The following RHPN2 variants were observed in gnomAD, a reference collection of about 807,000 sequenced individuals.
The protein encoded by RHPN2 is rhophilin Rho GTPase binding protein 2.
A neutral mutation model predicts 79.0 loss-of-function variants in RHPN2; 40 were observed. That is an observed-to-expected ratio of 0.51 (90% CI 0.39 to 0.66). The LOEUF (loss-of-function observed/expected upper bound fraction) is 0.66, where lower values mean the gene tolerates loss of function less well. Among genes scored for constraint, RHPN2 ranks in the 30% least tolerant of loss-of-function variants. RHPN2 has a pLI of 0.00. For synonymous variants in RHPN2, 285 were observed against 363.5 expected (o/e 0.78, Z 2.46); for missense variants, 686 against 883.5 (o/e 0.78, Z 2.83).
chr19:33,003,026 T>G, intron 7 of RHPN2, 26 bp from the exon 8 acceptor site: 1 of 1,605,662 alleles, frequency 6.2e-7, no homozygotes, highest in Non-Finnish European at 8.5e-7. Flanking sequence ...GTTTTGCCCA[T>G]TAGTTCGGGT....
intron 4 of RHPN2, among the ~76,000 whole-genome samples, chr19:33,013,216 CAG>C (rs1426958447): frequency 6.8e-6 from 1 of 146,102 alleles, no homozygotes; most frequent in Non-Finnish European, 1.5e-5. Flanking sequence ...AAACAAAAAA[CAG>C]AGTTTCACTC....
At chr19:33,053,208 C>T (rs1568327128) in intron 1 of RHPN2, among the ~76,000 whole-genome samples, 2 of 151,246 alleles carry the variant, frequency 1.3e-5, no homozygotes, top group Non-Finnish European at 2.9e-5. Flanking sequence ...AGGCTGCTCT[C>T]AAACTCCTGG....
intron 11 of RHPN2, among the ~76,000 whole-genome samples, chr19:32,995,437 C>G (rs1971693061): frequency 6.6e-6 from 1 of 152,040 alleles, no homozygotes; most frequent in African/African-American, 2.4e-5. Context: ...CAAATCATGA[C>G]CACTGACAGC....
At chr19:33,025,436 C>T (rs1457856226) in intron 3 of RHPN2, among the ~76,000 whole-genome samples, 9 of 151,442 alleles carry the variant, frequency 5.9e-5, no homozygotes, top group Admixed American at 2.0e-4. Context: ...GAGCTGAGAT[C>T]GCTCCACTGC....
At position 32,979,790 on chromosome 19, in the gene RHPN2, C is replaced by T; in HGVS notation, c.*206G>A. On this transcript the variant is annotated 3_prime_UTR_variant, in exon 15 of 15. Transcript: ENST00000254260. Reference sequence around the variant, plus strand: ...TAAATAACTTACAGCAGTATAGTAACACACCTCAAAAAAGTTCTTTTTTCA... The same window carrying T: ...TAAATAACTTACAGCAGTATAGTAATACACCTCAAAAAAGTTCTTTTTTCA... 1 of 606,422 alleles carries T rather than the reference C, an allele frequency of 1.6e-6. No homozygotes were observed. Among genetic ancestry groups the T allele is most frequent in the Non-Finnish European group, 2.9e-6 (1 of 343,246 alleles). 37.6% of individuals were successfully genotyped at this position (606,422 alleles called of 1,614,324 possible). A position where few individuals can be genotyped will look rare whatever the true frequency, so the allele number is the denominator to read the frequency against.
At position 32,979,826 on chromosome 19, in the gene RHPN2, G is replaced by C. The variant is rs1971558581; in HGVS notation, c.*170C>G. On this transcript the variant is annotated 3_prime_UTR_variant, in exon 15 of 15. Transcript: ENST00000254260. ...AAAGTTCTTTTTTCACTAATTCCTAGAGGTTTCTTGGTTACTTTCCTTCAT... is the reference window on the plus strand; with the variant it reads ...AAAGTTCTTTTTTCACTAATTCCTACAGGTTTCTTGGTTACTTTCCTTCAT... The C allele has an allele frequency of 3.8e-6, 3 of 787,242 alleles. No homozygotes were observed. The Admixed American group carries it at 8.5e-5, about 22-fold the overall frequency. The allele number at this position is 787,242 out of a possible 1,614,324, so 48.8% of individuals were successfully genotyped here. A position where few individuals can be genotyped will look rare whatever the true frequency, so the allele number is the denominator to read the frequency against.
intron 5 of RHPN2, 31 bp downstream of exon 5, chr19:33,012,616 C>A (rs775823886): frequency 2.8e-6 from 4 of 1,429,012 alleles, no homozygotes; most frequent in East Asian, 2.3e-5. Flanking sequence ...GAAAAGCCAC[C>A]CTCCCCTCTC....
chr19:32,987,016 A>T (rs78307095), intron 14 of RHPN2, among the ~76,000 whole-genome samples: 4,966 of 151,610 alleles, frequency 0.033, 248 homozygotes, highest in African/African-American at 0.11. Flanking sequence ...AGCTGGGACT[A>T]CAGGCATACG....
intron 4 of RHPN2, among the ~76,000 whole-genome samples, chr19:33,014,901 G>C (rs1393764725): frequency 1.3e-5 from 2 of 152,078 alleles, no homozygotes; most frequent in Non-Finnish European, 2.9e-5. Flanking sequence ...GACCAGCATG[G>C]ACAACACAGT....
intron 9 of RHPN2, among the ~76,000 whole-genome samples, chr19:33,001,457 G>A (rs1258144701): frequency 6.6e-6 from 1 of 151,988 alleles, no homozygotes; most frequent in Non-Finnish European, 1.5e-5. Context: ...TGGGAGGATC[G>A]CTTGAGCCCA....
rs1018001316 is a variant in RHPN2 at position 32,991,871 on chromosome 19, C to T, written c.1596G>A (p.Gly532=). ...GGAAGTGAACCTGAACGGGGGCGTT[C>T]CCTCTCAAGGTGAACCCCAAGTCCC... is the stretch of plus-strand genomic sequence containing the variant. ...EEGDLGFTLR[G]NAPVQVHFLD... Residue 532 remains glycine, a synonymous_variant, in exon 13 of 15, where the codon GGG becomes GGA. Transcript: ENST00000254260. 1 of 1,613,848 alleles carries T rather than the reference C, an allele frequency of 6.2e-7. No homozygotes were observed. The highest frequency in any genetic ancestry group is 8.5e-7 in the Non-Finnish European group (1 of 1,179,876).
chr19:33,049,313 A>ACCATCCCCACCCATACATTTCTCACC (rs1735312422), intron 1 of RHPN2, among the ~76,000 whole-genome samples: 1 of 152,256 alleles, frequency 6.6e-6, no homozygotes, highest in African/African-American at 2.4e-5. Context: ...TGGCGGGTCC[A>ACCATCCCCACCCATACATTTCTCACC]CCATCCCCAC....
chr19:33,023,078 A>C (rs1411875578), intron 3 of RHPN2, among the ~76,000 whole-genome samples: 1 of 152,046 alleles, frequency 6.6e-6, no homozygotes, highest in Non-Finnish European at 1.5e-5. Flanking sequence ...TTTCTTTCCC[A>C]CCTACCTCCT....
chr19:33,051,241 C>T (rs1972183899), intron 1 of RHPN2, among the ~76,000 whole-genome samples: 1 of 152,202 alleles, frequency 6.6e-6, no homozygotes, highest in Non-Finnish European at 1.5e-5. Context: ...ATCTGCCCAC[C>T]TCGCCCTCCC....
chr19:33,000,827 T>TA (rs1307089958), intron 9 of RHPN2, among the ~76,000 whole-genome samples: 3 of 152,170 alleles, frequency 2.0e-5, no homozygotes, highest in Non-Finnish European at 4.4e-5. Flanking sequence ...TCACTGCCTC[T>TA]AAGAAGCCAT....
At chr19:32,981,469 AAAGGGAAGAGGAG>A (rs1447609802) in intron 14 of RHPN2, among the ~76,000 whole-genome samples, 17 of 134,732 alleles carry the variant, frequency 1.3e-4, no homozygotes, top group African/African-American at 4.4e-4. Context: ...GAGGGGAAGG[AAAGGGAAGAGGAG>A]AAGGGAATGG....
chr19:32,996,684 T>C (rs1367372478), intron 10 of RHPN2, among the ~76,000 whole-genome samples: 1 of 152,080 alleles, frequency 6.6e-6, no homozygotes, highest in Non-Finnish European at 1.5e-5. Flanking sequence ...ATTCTGCTTC[T>C]GTAAAATTGC....
intron 2 of RHPN2, among the ~76,000 whole-genome samples, chr19:33,034,605 CA>C (rs71176187): frequency 1.0e-4 from 10 of 95,682 alleles, no homozygotes; most frequent in Admixed American, 1.3e-4. Flanking sequence ...GACTCCGTCT[CA>C]AAAAAAAAAA....
At chr19:32,989,250 C>T (rs558171484) in intron 14 of RHPN2, among the ~76,000 whole-genome samples, 1 of 152,288 alleles carries the variant, frequency 6.6e-6, no homozygotes, top group East Asian at 1.9e-4. Flanking sequence ...GCTGGGGTTA[C>T]AGGCGTGCAC....
Sources: allele counts gnomAD v4.1 joint callset (sites outside exome capture counted in the v4.1 genomes callset), GRCh38; gene constraint gnomAD v4.1.1; transcripts MANE v1.5; gene names NCBI Gene and HGNC (gene_info 2026-07-23, HGNC 2026-07-21).